Variants in SND1 observed in about 807,000 individuals in gnomAD.
SND1 encodes the protein staphylococcal nuclease and tudor domain containing 1.
A neutral mutation model predicts 121.7 loss-of-function variants in SND1; 38 were observed. The ratio of observed to expected loss-of-function variants is 0.31; its 90% confidence interval spans 0.24 to 0.41. The LOEUF (loss-of-function observed/expected upper bound fraction) is 0.41. SND1 is among the 10% of genes least tolerant of loss of function. SND1 has a pLI of 1.00. For missense variants in SND1, 868 were observed against 1,184.6 expected, an observed-to-expected ratio of 0.73 and a Z score of 3.92; for synonymous variants, 401 against 447.4, an observed-to-expected ratio of 0.90 and a Z score of 1.31.
At chr7:127,994,583 A>C (rs974903293) in intron 16 of SND1, among the ~76,000 whole-genome samples, 4 of 129,874 alleles carry the variant, frequency 3.1e-5, no homozygotes, top group South Asian at 2.5e-4. Flanking sequence ...AAAAAAAAAA[A>C]AACAGTAAAT....
Position 127,698,860 on chromosome 7 carries a change from C to T in SND1, c.350-15C>T, listed in dbSNP as rs779863354. On this transcript the variant is annotated splice_polypyrimidine_tract_variant and intron_variant, in intron 3 of 23. Coordinates refer to ENST00000354725, the MANE Select transcript of SND1 (RefSeq NM_014390.4). ...GTTTGAATCTTGTTTTTAAATCCCCCCTTTTCCTCCTCAGATACCAATGGG... is the reference window on the plus strand; with the variant it reads ...GTTTGAATCTTGTTTTTAAATCCCCTCTTTTCCTCCTCAGATACCAATGGG... The T allele has an allele frequency of 6.2e-7, 1 of 1,612,152 alleles. No homozygotes were observed.
intron 16 of SND1, among the ~76,000 whole-genome samples, chr7:128,023,751 G>A (rs1256880946): frequency 6.6e-6 from 1 of 152,180 alleles, no homozygotes; most frequent in African/African-American, 2.4e-5. Context: ...GAATAGGGGT[G>A]GTGATGGGGG....
intron 15 of SND1, among the ~76,000 whole-genome samples, chr7:127,961,355 A>G (rs1801726643): frequency 6.6e-6 from 1 of 152,210 alleles, no homozygotes; most frequent in African/African-American, 2.4e-5. Flanking sequence ...TCTTCTTTAC[A>G]AATAAAGCTG....
rs575676034 is a variant in SND1 at position 127,929,438 on chromosome 7, C to G, written c.1669+109C>G. 8.3e-6 allele frequency: 9 copies of G among 1,090,816 alleles called. No individual in the cohort carries two copies. In the East Asian group the frequency reaches 1.4e-4, roughly 17 times the overall value. The allele number at this position is 1,090,816 out of a possible 1,614,324, so 67.6% of individuals were successfully genotyped here. ...ATAGGCCCTAGAGCCCACCAGCATG[C>G]TCTTCCTCTCTGGTTGGGATATGCA... On this transcript the variant is annotated intron_variant, in intron 15 of 23. Transcript: ENST00000354725.
chr7:127,954,875 G>A (rs148204667), intron 15 of SND1, among the ~76,000 whole-genome samples: 2,566 of 152,206 alleles, frequency 0.017, 35 homozygotes, highest in South Asian at 0.041. Context: ...GCACCAAGAA[G>A]TCTCCCACCA....
Position 127,932,458 on chromosome 7 carries a change from A to G in SND1, c.1669+3129A>G, listed in dbSNP as rs189053844. Among the ~76,000 whole-genome samples, 61 of 152,368 alleles carry G rather than the reference A, an allele frequency of 4.0e-4. No individual in the cohort carries two copies. In the South Asian group the frequency reaches 9.7e-3, roughly 24 times the overall value. On this transcript the variant is annotated intron_variant, in intron 15 of 23. Transcript: ENST00000354725. ...AAAGTTATTTCATGAAATGGAATCT[A>G]GTCCCGGCAAAGATGCTGTGAACAT...
At chr7:128,078,906 A>G (rs1793552131) in intron 17 of SND1, among the ~76,000 whole-genome samples, 1 of 152,226 alleles carries the variant, frequency 6.6e-6, no homozygotes, top group East Asian at 1.9e-4. Flanking sequence ...GGGAGCTGGC[A>G]GGAAGAGGGA....
At chr7:128,028,744 T>G in intron 16 of SND1, 1 of 1,614,130 alleles carries the variant, frequency 6.2e-7, no homozygotes, top group Non-Finnish European at 8.5e-7. Flanking sequence ...TCAGAGATAG[T>G]GGTGACTGTG....
intron 1 of SND1, among the ~76,000 whole-genome samples, chr7:127,669,069 T>A (rs1460729538): frequency 1.3e-5 from 2 of 152,186 alleles, no homozygotes; most frequent in Non-Finnish European, 2.9e-5. Flanking sequence ...CCTGGCTCAC[T>A]GCAACCTCCG....
chr7:127,657,060 G>T (rs1328298813), intron 1 of SND1, among the ~76,000 whole-genome samples: 1 of 152,182 alleles, frequency 6.6e-6, no homozygotes. Context: ...CATCCATCTG[G>T]CTCTAGTTAT....
At chr7:127,810,337 T>A (rs1798313079) in intron 11 of SND1, among the ~76,000 whole-genome samples, 1 of 151,942 alleles carries the variant, frequency 6.6e-6, no homozygotes, top group South Asian at 2.1e-4. Context: ...ATTGAGAGAG[T>A]GGTAGAAGAA....
At chr7:127,869,970 T>C (rs1799550466) in intron 12 of SND1, among the ~76,000 whole-genome samples, 1 of 152,152 alleles carries the variant, frequency 6.6e-6, no homozygotes. Flanking sequence ...AGTCACTCCT[T>C]ATATAGTTTG....
chr7:128,039,309 C>G (rs749283431), intron 16 of SND1, among the ~76,000 whole-genome samples: 3 of 152,066 alleles, frequency 2.0e-5, no homozygotes, highest in Non-Finnish European at 4.4e-5. Context: ...GCAGAGGCCC[C>G]TGCATCTTGT....
intron 1 of SND1, among the ~76,000 whole-genome samples, chr7:127,669,749 G>A (rs1795482210): frequency 6.6e-6 from 1 of 152,110 alleles, no homozygotes; most frequent in South Asian, 2.1e-4. Flanking sequence ...TACTGTGCTG[G>A]CTAAAAATAT....
At chr7:127,950,637 CA>C (rs1386570369) in intron 15 of SND1, among the ~76,000 whole-genome samples, 2 of 152,328 alleles carry the variant, frequency 1.3e-5, no homozygotes, top group East Asian at 3.9e-4. Flanking sequence ...AGTCCTGTTA[CA>C]TTCCCTCCCT....
chr7:127,696,372 T>C, intron 3 of SND1, among the ~76,000 whole-genome samples: 1 of 152,176 alleles, frequency 6.6e-6, no homozygotes, highest in East Asian at 1.9e-4. Flanking sequence ...GAATGAGAAA[T>C]TATAGAAACC....
At chr7:127,717,855 T>G (rs1331152667) in intron 9 of SND1, among the ~76,000 whole-genome samples, 1 of 152,170 alleles carries the variant, frequency 6.6e-6, no homozygotes, top group Non-Finnish European at 1.5e-5. Context: ...GTTTTATGTG[T>G]GCTTCAGGGT....
At chr7:127,694,779 C>T in intron 2 of SND1, 49 bp from the exon 3 acceptor site, 1 of 1,602,750 alleles carries the variant, frequency 6.2e-7, no homozygotes, top group African/African-American at 1.3e-5. Context: ...TGCTGATTGG[C>T]ATCTGAAACT....
chr7:127,940,070 G>T (rs1801160580), intron 15 of SND1, among the ~76,000 whole-genome samples: 1 of 152,114 alleles, frequency 6.6e-6, no homozygotes, highest in African/African-American at 2.4e-5. Flanking sequence ...TCCTTTTCGG[G>T]CCCTTCTCCT....
Sources: allele counts gnomAD v4.1 joint callset (sites outside exome capture counted in the v4.1 genomes callset), GRCh38; gene constraint gnomAD v4.1.1; transcripts MANE v1.5; gene names NCBI Gene and HGNC (gene_info 2026-07-23, HGNC 2026-07-21).